ANO2: variants seen among roughly 807,000 people sequenced by gnomAD.
ANO2 encodes the protein anoctamin-2.
In ANO2, 101 loss-of-function variants were observed where a neutral mutation model predicts 124.2. That is an observed-to-expected ratio of 0.81 (90% confidence interval 0.69 to 0.96). The LOEUF (loss-of-function observed/expected upper bound fraction) is 0.96, where lower values mean the gene tolerates loss of function less well. ANO2 is among the 40% of genes least tolerant of loss of function. The pLI is 0.00. For synonymous variants in ANO2, 486 were observed against 482.5 expected (o/e 1.01, Z -0.09); for missense variants, 1,293 against 1,274.5 (o/e 1.01, Z -0.22).
At chr12:5,880,263 G>A (rs1463287271) in intron 3 of ANO2, among the ~76,000 whole-genome samples, 1 of 152,130 alleles carries the variant, frequency 6.6e-6, no homozygotes, top group Admixed American at 6.5e-5. Context: ...ATAAATCCAG[G>A]CATTTATGTT....
At chr12:5,791,744 T>G (rs1470225494) in intron 10 of ANO2, among the ~76,000 whole-genome samples, 1 of 152,142 alleles carries the variant, frequency 6.6e-6, no homozygotes, top group Non-Finnish European at 1.5e-5. Flanking sequence ...CTTCACAGGG[T>G]TGCTGTGAGG....
rs1952667952 is a variant in ANO2, at chr12:5,790,566, C to T, written c.1055+8941G>A. Reference sequence around the variant, plus strand: ...TCTCTGCTTCCTGCTTAAAACTCATCTATGTCGTAAGTCTCATTTTTGTGT... The same window carrying T: ...TCTCTGCTTCCTGCTTAAAACTCATTTATGTCGTAAGTCTCATTTTTGTGT... On this transcript the variant is annotated intron_variant, in intron 10 of 24. Transcript: ENST00000682330. 2.0e-5 allele frequency among the ~76,000 whole-genome samples: 3 copies of T among 152,182 alleles called. No homozygotes were observed. In the South Asian group the frequency reaches 6.2e-4, roughly 32 times the overall value.
rs60199743 is a variant in ANO2 at position 5,607,063 on chromosome 12, TAA to T, written c.2087+5591_2087+5592del. ...CTAACCCCCCAGACTTGCCTCTATT[TAA>T]AAAAAAAAAAAACAAATCTGGCCTT... On this transcript the variant is annotated intron_variant, in intron 19 of 24. Transcript: ENST00000682330. Among the ~76,000 whole-genome samples, 431 of 145,432 alleles carry T rather than the reference TAA, an allele frequency of 3.0e-3. 3 individuals carry two copies. Among genetic ancestry groups the T allele is most frequent in the African/African-American group, 9.0e-3 (356 of 39,450 alleles).
chr12:5,815,749 T>G (rs1214145049), intron 7 of ANO2, among the ~76,000 whole-genome samples: 2 of 152,224 alleles, frequency 1.3e-5, no homozygotes, highest in African/African-American at 4.8e-5. Flanking sequence ...ATTTATTTTC[T>G]CTGGTTCTTA....
intron 20 of ANO2, among the ~76,000 whole-genome samples, chr12:5,580,184 A>G (rs993057362): frequency 1.3e-4 from 20 of 152,258 alleles, no homozygotes; most frequent in African/African-American, 4.8e-4. Flanking sequence ...TAAATTGAAG[A>G]TAATAGTAAT....
At chr12:5,569,220 G>C (rs1397335962) in intron 23 of ANO2, among the ~76,000 whole-genome samples, 1 of 152,202 alleles carries the variant, frequency 6.6e-6, no homozygotes, top group African/African-American at 2.4e-5. Context: ...GTGCTGGCTG[G>C]TGGGTGGAGG....
chr12:5,638,237 C>CT lies in ANO2; in HGVS notation c.1621-2891dup, dbSNP rs35224024. Among the ~76,000 whole-genome samples the CT allele has an allele frequency of 2.5e-3, 311 of 124,860 alleles. 2 individuals are homozygous for CT. The highest frequency in any genetic ancestry group is 6.2e-3 in the South Asian group (23 of 3,692). 81.9% of individuals were successfully genotyped at this position (124,860 alleles called of 152,430 possible). The stretch of plus-strand genomic sequence containing the variant: ...ATCTTCACTAGCACTGTTTCTTTTC[C>CT]TTTTTTTTTTTTTTTTGAGACGGAG... On this transcript the variant is annotated intron_variant, in intron 15 of 24. Coordinates refer to ENST00000682330, the MANE Select transcript of ANO2 (RefSeq NM_001364791.2).
chr12:5,718,783 C>A (rs1950113100), intron 14 of ANO2, among the ~76,000 whole-genome samples: 2 of 152,178 alleles, frequency 1.3e-5, no homozygotes, highest in South Asian at 4.1e-4. Flanking sequence ...GCTTCCCTCT[C>A]CTCTCTCTAT....
rs3825283 is a variant in ANO2, at chr12:5,658,924, T to A, written c.1546-11123A>T. 6.6e-6 allele frequency among the ~76,000 whole-genome samples: 1 copy of A among 152,154 alleles called. No individual in the cohort carries two copies. Among genetic ancestry groups the A allele is most frequent in the Admixed American group, 6.5e-5 (1 of 15,276 alleles). On this transcript the variant is annotated intron_variant, in intron 14 of 24. Coordinates refer to ENST00000682330, the MANE Select transcript of ANO2 (RefSeq NM_001364791.2). This position sits in a 1 kb window ranked among gnomAD's most constrained non-coding sequence, Gnocchi z 4.3. Reference sequence around the variant, plus strand: ...ATCATCAGCAACAGCAGCATCATCATCATCATTGCTTTATCCACCAGGGAC... The same window carrying A: ...ATCATCAGCAACAGCAGCATCATCAACATCATTGCTTTATCCACCAGGGAC...
intron 19 of ANO2, among the ~76,000 whole-genome samples, chr12:5,609,847 G>A (rs992316131): frequency 1.3e-5 from 2 of 149,062 alleles, no homozygotes; most frequent in Non-Finnish European, 3.0e-5. Flanking sequence ...ACCAGAATTA[G>A]TCTATTGCTT....
intron 14 of ANO2, among the ~76,000 whole-genome samples, chr12:5,724,494 C>T (rs76312788): frequency 2.0e-5 from 3 of 152,188 alleles, no homozygotes; most frequent in Non-Finnish European, 2.9e-5. Flanking sequence ...TCCACCCACG[C>T]GCATGCTCCA....
chr12:5,731,438 T>C (rs1950631458), intron 14 of ANO2, among the ~76,000 whole-genome samples: 1 of 152,078 alleles, frequency 6.6e-6, no homozygotes, highest in East Asian at 1.9e-4. Flanking sequence ...TAAATTTGCA[T>C]GTTAACATGA....
intron 7 of ANO2, among the ~76,000 whole-genome samples, chr12:5,819,580 C>T (rs959574180): frequency 1.2e-4 from 18 of 152,128 alleles, no homozygotes; most frequent in African/African-American, 4.1e-4. Flanking sequence ...CTTGGTTTAA[C>T]GTAGAGGAAG....
At chr12:5,831,692 T>C (rs1401992625) in intron 5 of ANO2, among the ~76,000 whole-genome samples, 1 of 152,206 alleles carries the variant, frequency 6.6e-6, no homozygotes, top group East Asian at 1.9e-4. Context: ...GGATAGGAGA[T>C]GGTCTCTTAT....
intron 16 of ANO2, among the ~76,000 whole-genome samples, chr12:5,622,926 C>T (rs1413210603): frequency 4.0e-5 from 6 of 149,704 alleles, no homozygotes; most frequent in Non-Finnish European, 7.4e-5. Context: ...ATCGTGCCAC[C>T]GCACTCCAGC....
intron 4 of ANO2, among the ~76,000 whole-genome samples, chr12:5,840,184 A>G (rs1954468939): frequency 6.6e-6 from 1 of 152,224 alleles, no homozygotes; most frequent in African/African-American, 2.4e-5. Flanking sequence ...CTCCCTGGGT[A>G]CATGATACGC....
chr12:5,690,522 G>A (rs1329006969), intron 14 of ANO2, among the ~76,000 whole-genome samples: 5 of 152,156 alleles, frequency 3.3e-5, no homozygotes, highest in African/African-American at 7.2e-5. Flanking sequence ...TGCCTCCTTT[G>A]CTCTGGGCCT....
At chr12:5,765,499 T>C (rs1951864860) in intron 10 of ANO2, among the ~76,000 whole-genome samples, 1 of 152,248 alleles carries the variant, frequency 6.6e-6, no homozygotes, top group African/African-American at 2.4e-5. Flanking sequence ...TGGTATCTTT[T>C]GTGGTATAAC....
At chr12:5,808,501 C>A (rs144634266) in intron 7 of ANO2, among the ~76,000 whole-genome samples, 3 of 151,960 alleles carry the variant, frequency 2.0e-5, no homozygotes, top group Admixed American at 6.6e-5. Flanking sequence ...TCCCGCCATA[C>A]GAGGATCCAC....
Sources: gnomAD v4.1 joint callset for allele counts (sites outside exome capture counted in the v4.1 genomes callset) on GRCh38, gnomAD v4.1.1 for gene constraint, Gnocchi (gnomAD v3.1) non-coding constraint, MANE v1.5 for transcripts, NCBI Gene and HGNC (gene_info 2026-07-23, HGNC 2026-07-21) for gene names.